The following ZNF334 variants were observed in gnomAD, a reference collection of about 807,000 sequenced individuals.
The protein encoded by ZNF334 is zinc finger protein 334.
ZNF334 carries 14 observed loss-of-function variants against 12.4 expected under a neutral mutation model. The observed-to-expected ratio is 1.13, with a 90% CI of 0.74 to 1.76. ZNF334 has a LOEUF of 1.76. Ranked by LOEUF, ZNF334 falls within the 40% of genes most tolerant of loss-of-function variation. ZNF334 has a pLI of 0.00. For synonymous variants in ZNF334, 273 were observed against 269.6 expected (o/e 1.01, Z -0.12); for missense variants, 797 against 804.5 (o/e 0.99, Z 0.11).
chr20:46,481,474 G>A, the ZNF334 span: 1 of 152,234 alleles, frequency 6.6e-6, no homozygotes, highest in East Asian at 1.9e-4. Context: ...TGACCAAGAG[G>A]AGTCATTAGC....
chr20:46,499,624 C>T (rs1373606490), downstream of ZNF334: 2 of 152,024 alleles, frequency 1.3e-5, no homozygotes, highest in East Asian at 3.9e-4. Context: ...AAATTTGGCA[C>T]AAAAATTAGG....
chr20:46,479,699 T>C, the ZNF334 span, among the ~76,000 whole-genome samples: 1 of 152,218 alleles, frequency 6.6e-6, no homozygotes, highest in Non-Finnish European at 1.5e-5. Context: ...CCTCCATTAA[T>C]GCAGCCCAGT....
chr20:46,484,831 C>A, the ZNF334 span, among the ~76,000 whole-genome samples: 2 of 152,154 alleles, frequency 1.3e-5, no homozygotes, highest in Non-Finnish European at 2.9e-5. Flanking sequence ...TGTCATATGC[C>A]TAAGAAACAG....
At chr20:46,487,542 A>G in the ZNF334 span, among the ~76,000 whole-genome samples, 62,715 of 152,032 alleles carry the variant, frequency 0.41, 14,931 homozygotes, top group African/African-American at 0.66. Context: ...AATTAGTTTC[A>G]TATTCTTGGA....
chr20:46,511,820 G>T (rs2061661242), intron 2 of ZNF334, among the ~76,000 whole-genome samples: 2 of 152,126 alleles, frequency 1.3e-5, no homozygotes, highest in Non-Finnish European at 2.9e-5. Context: ...GATCATCCAA[G>T]AAAATTTTTA....
At chr20:46,470,601 G>A in the ZNF334 span, among the ~76,000 whole-genome samples, 2 of 152,168 alleles carry the variant, frequency 1.3e-5, no homozygotes, top group Non-Finnish European at 2.9e-5. Context: ...ATATTTTTAT[G>A]CTAATTATAT....
At chr20:46,511,941 A>G (rs745639799) in intron 2 of ZNF334, 141 bp downstream of exon 2, 18 of 758,462 alleles carry the variant, frequency 2.4e-5, no homozygotes, top group Non-Finnish European at 3.3e-5. Flanking sequence ...TGATTTCTGT[A>G]TATCTATGTC....
the ZNF334 span, among the ~76,000 whole-genome samples, chr20:46,493,638 T>A: frequency 4.4e-4 from 67 of 152,226 alleles, no homozygotes; most frequent in East Asian, 0.011. Flanking sequence ...AAATAGCTCA[T>A]TTGAAATAAG....
rs146359749 is a variant in ZNF334, at chr20:46,503,588, GA to G, written c.242-492del. Among the ~76,000 whole-genome samples the G allele has an allele frequency of 1.8e-4, 27 of 152,302 alleles. No homozygotes were observed. The East Asian group carries it at 5.2e-3, about 29-fold the overall frequency. On this transcript the variant is annotated intron_variant, in intron 4 of 4. Coordinates refer to ENST00000692313, the MANE Select transcript of ZNF334 (RefSeq NM_001353824.2). ...CACACAAGAAGGAAGAGGTAAATCT[GA>G]AATTTTTGCAGTGACATGGAACTCT...
At chr20:46,469,340 A>C in the ZNF334 span, among the ~76,000 whole-genome samples, 1 of 151,338 alleles carries the variant, frequency 6.6e-6, no homozygotes, top group African/African-American at 2.4e-5. Context: ...ACACCTTTAG[A>C]GATCCACCCC....
downstream of ZNF334, among the ~76,000 whole-genome samples, chr20:46,498,252 C>T (rs1420342713): frequency 6.6e-6 from 1 of 152,160 alleles, no homozygotes; most frequent in East Asian, 1.9e-4. Context: ...CCTTCCGCAA[C>T]ATATCAAGGT....
the ZNF334 span, among the ~76,000 whole-genome samples, chr20:46,482,369 T>C: frequency 2.0e-5 from 3 of 152,208 alleles, no homozygotes; most frequent in Non-Finnish European, 4.4e-5. Flanking sequence ...TGGCATCAAA[T>C]AACAATGTCC....
chr20:46,489,137 C>G, the ZNF334 span, among the ~76,000 whole-genome samples: 1 of 152,064 alleles, frequency 6.6e-6, no homozygotes, highest in Non-Finnish European at 1.5e-5. Context: ...CCTTCCCCCT[C>G]TATTTCAGAG....
the ZNF334 span, among the ~76,000 whole-genome samples, chr20:46,471,672 C>G: frequency 6.6e-6 from 1 of 152,182 alleles, no homozygotes; most frequent in Admixed American, 6.5e-5. Flanking sequence ...TAATTTCCCA[C>G]ATGACTCAAC....
the ZNF334 span, among the ~76,000 whole-genome samples, chr20:46,468,279 ATT>A: frequency 6.9e-6 from 1 of 144,366 alleles, no homozygotes. Flanking sequence ...TTACACCCAC[ATT>A]TTTTTTTTTT....
Position 46,504,751 on chromosome 20 carries a change from A to ATGT in ZNF334, c.22-14_22-12dup. The ATGT allele has an allele frequency of 6.3e-7, 1 of 1,595,426 alleles. No individual in the cohort carries two copies. Among genetic ancestry groups the ATGT allele is most frequent in the Non-Finnish European group, 8.5e-7 (1 of 1,172,932 alleles). On this transcript the variant is annotated splice_polypyrimidine_tract_variant and intron_variant, in intron 2 of 4. Transcript: ENST00000692313. Reference sequence around the variant, plus strand: ...GAATGAAACTGGTATCTGAAAGAAAATGTTTAATCTTGGGTGACCAAAATT... The same window carrying ATGT: ...GAATGAAACTGGTATCTGAAAGAAAATGTTGTTTAATCTTGGGTGACCAAAATT...
the ZNF334 span, among the ~76,000 whole-genome samples, chr20:46,484,131 C>G: frequency 6.6e-6 from 1 of 150,732 alleles, no homozygotes; most frequent in Non-Finnish European, 1.5e-5. Context: ...AGGACGAATT[C>G]CCTTATCATT....
At chr20:46,507,509 C>T (rs529364019) in intron 2 of ZNF334, among the ~76,000 whole-genome samples, 2 of 152,292 alleles carry the variant, frequency 1.3e-5, no homozygotes, top group South Asian at 4.2e-4. Flanking sequence ...GTTCTGATCA[C>T]TATAATATAG....
Position 46,502,913 on chromosome 20 carries a change from A to T in ZNF334, c.426T>A (p.Ser142Arg). Reference protein sequence around the residue: ...MPYKCNPGGNSLKTNSEVIVA... With the variant: ...MPYKCNPGGNRLKTNSEVIVA... ...CAATTACTTCTGAATTAGTTTTCAA[A>T]CTGTTTCCTCCTGGATTACATTTAT... Residue 142 changes from serine to arginine, a missense_variant, in exon 5 of 5, where the codon AGT becomes AGA. Physicochemically the swap from Ser to Arg is moderately radical, Grantham distance 110. Transcript: ENST00000692313. The T allele has an allele frequency of 6.2e-7, 1 of 1,613,758 alleles. No individual in the cohort carries two copies. Among genetic ancestry groups the T allele is most frequent in the Non-Finnish European group, 8.5e-7 (1 of 1,179,920 alleles).
Sources: allele counts gnomAD v4.1 joint callset (sites outside exome capture counted in the v4.1 genomes callset), GRCh38; gene constraint gnomAD v4.1.1; transcripts MANE v1.5; gene names NCBI Gene and HGNC (gene_info 2026-07-23, HGNC 2026-07-21).